Variants in CSNK1E observed in about 807,000 individuals in gnomAD.
CSNK1E encodes casein kinase 1 epsilon, also known as casein kinase I isoform epsilon.
In CSNK1E, 17 loss-of-function variants were observed where a neutral mutation model predicts 46.1. The ratio of observed to expected loss-of-function variants is 0.37; its 90% confidence interval spans 0.25 to 0.55. The LOEUF (loss-of-function observed/expected upper bound fraction) is 0.55. Ranked by LOEUF, CSNK1E falls within the 20% of genes least tolerant of loss-of-function variation. CSNK1E has a pLI of 0.82. For missense variants in CSNK1E, 386 were observed against 595.4 expected (o/e 0.65, Z 3.66); for synonymous variants, 241 against 242.6 (o/e 0.99, Z 0.06).
In CSNK1E at chr22:38,295,887, C is replaced by T. The variant is rs556524620; in HGVS notation, c.886-1353G>A. 3.3e-5 allele frequency among the ~76,000 whole-genome samples: 5 copies of T among 152,374 alleles called. No individual in the cohort carries two copies. In the East Asian group the frequency reaches 7.7e-4, roughly 23 times the overall value. On this transcript the variant is annotated intron_variant, in intron 7 of 10. Coordinates refer to ENST00000396832, the MANE Select transcript of CSNK1E (RefSeq NM_152221.3). ...CCCTGGGCTCCCACTCGGTTGCAGGCTGGCCAACAGTGACTCAGCCAGAGC... is the reference window on the plus strand; with the variant it reads ...CCCTGGGCTCCCACTCGGTTGCAGGTTGGCCAACAGTGACTCAGCCAGAGC...
intron 7 of CSNK1E, chr22:38,296,618 G>T (rs2092642100): frequency 6.2e-7 from 1 of 1,612,870 alleles, no homozygotes; most frequent in Non-Finnish European, 8.5e-7. Flanking sequence ...TAACTCCAGG[G>T]CCTGCCTCAA....
chr22:38,308,926 C>G (rs1483979406), intron 2 of CSNK1E, among the ~76,000 whole-genome samples: 1 of 152,074 alleles, frequency 6.6e-6, no homozygotes, highest in Admixed American at 6.6e-5. Context: ...CTTGAATGGC[C>G]GGCTAAGATC....
chr22:38,296,142 G>A, intron 7 of CSNK1E: 1 of 991,044 alleles, frequency 1.0e-6, no homozygotes, highest in Non-Finnish European at 1.2e-6. Context: ...CAGCCCCGAG[G>A]CAAGAAGTGG....
Position 38,294,691 on chromosome 22 carries a change from C to T in CSNK1E, c.886-157G>A, listed in dbSNP as rs910568796. On this transcript the variant is annotated intron_variant, in intron 7 of 10. Coordinates refer to ENST00000396832, the MANE Select transcript of CSNK1E (RefSeq NM_152221.3). This position sits in a 1 kb window ranked among gnomAD's most constrained non-coding sequence, Gnocchi z 5.5. The stretch of plus-strand genomic sequence containing the variant: ...GACAAGCGCGGGAAGCCAAGACCCA[C>T]AATCACACAGCACAGAGACACGAAG... Among the ~76,000 whole-genome samples the T allele has an allele frequency of 5.9e-5, 9 of 152,116 alleles. No individual in the cohort carries two copies. The highest frequency in any genetic ancestry group is 1.0e-4 in the Non-Finnish European group (7 of 68,002).
chr22:38,312,580 C>G (rs2092725726), intron 2 of CSNK1E, among the ~76,000 whole-genome samples: 1 of 152,194 alleles, frequency 6.6e-6, no homozygotes, highest in Non-Finnish European at 1.5e-5. Context: ...TTTAAACCAG[C>G]TGCACCACAC....
chr22:38,297,167 A>C (rs769086900), intron 7 of CSNK1E: 6 of 778,604 alleles, frequency 7.7e-6, no homozygotes, highest in South Asian at 4.0e-5. Flanking sequence ...TAGAGAATAC[A>C]AAATCCATTC....
chr22:38,293,314 A>G lies in CSNK1E; in HGVS notation c.1224T>C (p.Ser408=), dbSNP rs2092621343. Residue 408 remains serine, a synonymous_variant, in exon 10 of 11, where the codon AGT becomes AGC. Transcript: ENST00000396832. ...ACTTCCCGAGATGGTCAAATGGCAC[A>G]CTTGTCTTTTGAGGGTGGGGAGGGA... ...EVSRIPASQT[S]VPFDHLGK The G allele has an allele frequency of 1.2e-6, 2 of 1,609,402 alleles. No homozygotes were observed. Among genetic ancestry groups the G allele is most frequent in the African/African-American group, 1.3e-5 (1 of 74,764 alleles).
chr22:38,302,297 G>A (rs1318632426), intron 4 of CSNK1E, among the ~76,000 whole-genome samples: 4 of 152,186 alleles, frequency 2.6e-5, no homozygotes, highest in Non-Finnish European at 5.9e-5. Context: ...CTCAAGGCCA[G>A]GAGTTTGAGA....
Position 38,300,555 on chromosome 22 carries a change from T to C in CSNK1E, c.565+169A>G, listed in dbSNP as rs1341109989. 1.3e-5 allele frequency among the ~76,000 whole-genome samples: 2 copies of C among 152,202 alleles called. No homozygotes were observed. The highest frequency in any genetic ancestry group is 3.9e-4 in the East Asian group (2 of 5,192). Reference sequence around the variant, plus strand: ...TGGCTTACGAAGGGGAAGACCCGACTGTGCAAGGACACGGAATAAGCACGA... The same window carrying C: ...TGGCTTACGAAGGGGAAGACCCGACCGTGCAAGGACACGGAATAAGCACGA... On this transcript the variant is annotated intron_variant, in intron 5 of 10. Coordinates refer to ENST00000396832, the MANE Select transcript of CSNK1E (RefSeq NM_152221.3). The surrounding 1 kb of genome is among the most constrained non-coding windows in gnomAD (Gnocchi z 4.4).
chr22:38,303,066 C>A lies in CSNK1E; in HGVS notation c.188-57G>T. On this transcript the variant is annotated intron_variant, in intron 3 of 10. Transcript: ENST00000396832. This position sits in a 1 kb window ranked among gnomAD's most constrained non-coding sequence, Gnocchi z 4.7. ...GTCAGAGGCAGGCAGCCAGCCACGC[C>A]CGGCCCACCCTGTGCTCATGGCTGC... 1 of 1,602,540 alleles carries A rather than the reference C, an allele frequency of 6.2e-7. No homozygotes were observed. Among genetic ancestry groups the A allele is most frequent in the South Asian group, 1.1e-5 (1 of 90,282 alleles).
chr22:38,316,316 G>A (rs1053109254), intron 1 of CSNK1E, among the ~76,000 whole-genome samples: 1 of 152,134 alleles, frequency 6.6e-6, no homozygotes, highest in Admixed American at 6.5e-5. Flanking sequence ...CGAAGGCAAA[G>A]GAGACCCAAA....
chr22:38,294,446 G>A lies in CSNK1E; in HGVS notation c.974C>T (p.Thr325Ile). 1 of 1,573,464 alleles carries A rather than the reference G, an allele frequency of 6.4e-7. No homozygotes were observed. Among genetic ancestry groups the A allele is most frequent in the Non-Finnish European group, 8.6e-7 (1 of 1,161,854 alleles). ...GGGTGGGCCAGGGGGCAGGGCTCGG[G>A]TCGCGGACCCCCGTAGCTGCCCCAT... ...ERMGQLRGSATRALPPGPPTG... is the reference protein window; with the variant it reads ...ERMGQLRGSAIRALPPGPPTG... The change falls in exon 8 of 11, where the codon ACC becomes ATC. Residue 325 changes from threonine (T) to isoleucine (I), a missense_variant. By Grantham distance (89) the Thr-to-Ile change is moderately conservative (BLOSUM62 -1). Around this residue, in one of 2 missense-constraint regions of CSNK1E, gnomAD observed 174 missense variants for 185.2 expected, o/e 0.94. Coordinates refer to ENST00000396832, the MANE Select transcript of CSNK1E (RefSeq NM_152221.3). This position sits in a 1 kb window ranked among gnomAD's most constrained non-coding sequence, Gnocchi z 5.5.
intron 4 of CSNK1E, among the ~76,000 whole-genome samples, chr22:38,301,955 A>G (rs144885854): frequency 6.6e-6 from 1 of 152,156 alleles, no homozygotes. Flanking sequence ...CAAGTTCAAA[A>G]TTCTACAGTT....
intron 7 of CSNK1E, chr22:38,295,422 G>A: frequency 1.0e-6 from 1 of 984,804 alleles, no homozygotes; most frequent in Non-Finnish European, 1.2e-6. Flanking sequence ...GGGAAGGGCA[G>A]GGGGCTGGCA....
chr22:38,317,152 A>G lies in CSNK1E; in HGVS notation c.-13+8T>C, dbSNP rs2145858888. On this transcript the variant is annotated splice_region_variant and intron_variant, in intron 1 of 10. Transcript: ENST00000396832. ...CCTTCCGCGGGCCCGCGGCCCCCCG[A>G]TATTTACCCCGCCGGGAAGGCGCCG... 6.7e-6 allele frequency: 1 copy of G among 149,056 alleles called. No homozygotes were observed. The highest frequency in any genetic ancestry group is 2.0e-4 in the South Asian group (1 of 4,992). The allele number at this position is 149,056 out of a possible 1,614,324, so 9.2% of individuals were successfully genotyped here. A position where few individuals can be genotyped will look rare whatever the true frequency, so the allele number is the denominator to read the frequency against.
Position 38,303,597 on chromosome 22 carries a change from A to G in CSNK1E, c.77-349T>C, listed in dbSNP as rs1049124121. 6.6e-6 allele frequency among the ~76,000 whole-genome samples: 1 copy of G among 152,160 alleles called. No individual in the cohort carries two copies. Among genetic ancestry groups the G allele is most frequent in the Non-Finnish European group, 1.5e-5 (1 of 68,024 alleles). ...AGTCCTAGAGCAAATTCAGGCAGTG[A>G]GGTCTGTCGGGTTGAGATGGTGGCA... On this transcript the variant is annotated intron_variant, in intron 2 of 10. Coordinates refer to ENST00000396832, the MANE Select transcript of CSNK1E (RefSeq NM_152221.3). The surrounding 1 kb of genome is among the most constrained non-coding windows in gnomAD (Gnocchi z 4.7).
chr22:38,294,054 G>A lies in CSNK1E; in HGVS notation c.1218+55C>T. 1 of 1,575,968 alleles carries A rather than the reference G, an allele frequency of 6.3e-7. No homozygotes were observed. Among genetic ancestry groups the A allele is most frequent in the Non-Finnish European group, 8.6e-7 (1 of 1,162,356 alleles). On this transcript the variant is annotated intron_variant, in intron 9 of 10. Coordinates refer to ENST00000396832, the MANE Select transcript of CSNK1E (RefSeq NM_152221.3). This position sits in a 1 kb window ranked among gnomAD's most constrained non-coding sequence, Gnocchi z 5.5. ...AGAGCCACGGCCTGACCTCCCACTGGGGGGTCTCTAACTCAGTTCTGAGGC... is the reference window on the plus strand; with the variant it reads ...AGAGCCACGGCCTGACCTCCCACTGAGGGGTCTCTAACTCAGTTCTGAGGC...
intron 4 of CSNK1E, among the ~76,000 whole-genome samples, chr22:38,301,249 GA>G (rs753450361): frequency 1.3e-5 from 2 of 152,218 alleles, no homozygotes; most frequent in Non-Finnish European, 2.9e-5. Context: ...GTTCCCCATG[GA>G]AGGCTTGCCT....
At chr22:38,293,220 TG>T in intron 10 of CSNK1E, 34 bp downstream of exon 10, 1 of 1,577,788 alleles carries the variant, frequency 6.3e-7, no homozygotes, top group Non-Finnish European at 8.7e-7. Context: ...CTAGGTCGGC[TG>T]GGCTGGCTGC....
Sources: allele counts gnomAD v4.1 joint callset (sites outside exome capture counted in the v4.1 genomes callset), GRCh38; gene constraint gnomAD v4.1.1; regional missense constraint gnomAD v4.1.1; non-coding constraint Gnocchi (gnomAD v3.1); transcripts MANE v1.5; gene names NCBI Gene and HGNC (gene_info 2026-07-23, HGNC 2026-07-21).